Variants in PRIM2 observed in about 807,000 individuals in gnomAD.
PRIM2 encodes the protein DNA primase large subunit.
A neutral mutation model predicts 67.3 loss-of-function variants in PRIM2; 39 were observed. The ratio of observed to expected loss-of-function variants is 0.58; its 90% confidence interval spans 0.45 to 0.76. PRIM2 has a LOEUF of 0.76. Among genes scored for constraint, PRIM2 ranks in the 30% least tolerant of loss-of-function variants. PRIM2 has a pLI of 0.00. For synonymous variants in PRIM2, 143 were observed against 198.7 expected, an observed-to-expected ratio of 0.72 and a Z score of 2.36; for missense variants, 398 against 598.7, an observed-to-expected ratio of 0.66 and a Z score of 3.50.
intron 13 of PRIM2, among the ~76,000 whole-genome samples, chr6:57,636,002 C>A (rs1248531851): frequency 6.6e-6 from 1 of 152,188 alleles, no homozygotes; most frequent in Non-Finnish European, 1.5e-5. Context: ...ACCCACCTTC[C>A]TCTAGACTCC....
intron 5 of PRIM2, among the ~76,000 whole-genome samples, chr6:57,365,375 G>C (rs111511818): frequency 6.6e-6 from 1 of 150,858 alleles, no homozygotes; most frequent in East Asian, 1.9e-4. Context: ...ATTACTGCTT[G>C]TTGGTCTAGC....
chr6:57,416,033 T>C (rs1167387208), intron 7 of PRIM2, among the ~76,000 whole-genome samples: 59 of 152,336 alleles, frequency 3.9e-4, no homozygotes, highest in African/African-American at 1.4e-3. Context: ...ATCACAAATG[T>C]TCTTAATGGC....
intron 8 of PRIM2, among the ~76,000 whole-genome samples, chr6:57,519,012 G>C (rs1350185973): frequency 1.3e-5 from 2 of 152,160 alleles, no homozygotes; most frequent in Non-Finnish European, 2.9e-5. Flanking sequence ...GTCCGGGGGA[G>C]ACATCACATG....
chr6:57,444,356 C>G (rs1457110052), intron 7 of PRIM2, among the ~76,000 whole-genome samples: 3 of 152,056 alleles, frequency 2.0e-5, no homozygotes, highest in Non-Finnish European at 4.4e-5. Flanking sequence ...ATCACTAGGT[C>G]AAGAGTTCGA....
At chr6:57,315,929 G>T (rs1249716724), upstream of PRIM2, among the ~76,000 whole-genome samples, 1 of 152,038 alleles carries the variant, frequency 6.6e-6, no homozygotes, top group Non-Finnish European at 1.5e-5. Context: ...TATGCTTTCA[G>T]GTGTCTTCTT....
intron 4 of PRIM2, among the ~76,000 whole-genome samples, chr6:57,324,685 C>T (rs1186244212): frequency 6.6e-6 from 1 of 152,106 alleles, no homozygotes; most frequent in Non-Finnish European, 1.5e-5. Flanking sequence ...CCAGTTAAAT[C>T]GAAGATATTT....
intron 8 of PRIM2, among the ~76,000 whole-genome samples, chr6:57,524,404 A>G (rs1774697475): frequency 6.6e-6 from 1 of 152,214 alleles, no homozygotes; most frequent in Non-Finnish European, 1.5e-5. Flanking sequence ...AGATGCAACC[A>G]TTAAAAGATG....
chr6:57,354,797 A>G (rs1383180431), intron 5 of PRIM2, among the ~76,000 whole-genome samples: 6 of 152,226 alleles, frequency 3.9e-5, no homozygotes, highest in African/African-American at 1.2e-4. Flanking sequence ...GGTGTATTCA[A>G]TGTCATTATG....
intron 7 of PRIM2, among the ~76,000 whole-genome samples, chr6:57,449,251 GA>G (rs1275298735): frequency 1.3e-5 from 2 of 152,098 alleles, no homozygotes; most frequent in Non-Finnish European, 2.9e-5. Flanking sequence ...CCTAGGTGCA[GA>G]ATTTGAATCA....
the PRIM2 span, among the ~76,000 whole-genome samples, chr6:57,274,943 A>ATTTTTTTT: frequency 0.018 from 2,427 of 137,292 alleles, 76 homozygotes; most frequent in African/African-American, 0.055. Context: ...CACCTGGCTA[A>ATTTTTTTT]TTTTTTTTTT....
chr6:57,642,557 C>T (rs1777262042), intron 13 of PRIM2, among the ~76,000 whole-genome samples: 2 of 148,562 alleles, frequency 1.3e-5, no homozygotes, highest in Non-Finnish European at 1.5e-5. Context: ...ATTCTCCTGC[C>T]TCAGCCTCCC....
At chr6:57,330,348 G>GGTTTTT (rs1768009702) in intron 5 of PRIM2, among the ~76,000 whole-genome samples, 1 of 87,838 alleles carries the variant, frequency 1.1e-5, no homozygotes, top group Non-Finnish European at 2.1e-5. Context: ...TGCTGAACTT[G>GGTTTTT]TTTTTTTTTT....
chr6:57,244,601 A>C, the PRIM2 span, among the ~76,000 whole-genome samples: 2 of 152,116 alleles, frequency 1.3e-5, no homozygotes, highest in Non-Finnish European at 2.9e-5. Context: ...GTGTCCACTA[A>C]AAATACAAAA....
intron 8 of PRIM2, among the ~76,000 whole-genome samples, chr6:57,525,664 T>C (rs1251552551): frequency 2.8e-4 from 42 of 152,328 alleles, no homozygotes; most frequent in African/African-American, 1.0e-3. Context: ...AGCATAACTC[T>C]CTCTATTCAG....
rs1170895979 is a variant in PRIM2 at position 57,529,518 on chromosome 6, A to G, written c.762-2893A>G. ...CATTAAAGTTAAATGGCAGCTATCAATTTAACTTTGCATGAGTTTTATATG... is the reference window on the plus strand; with the variant it reads ...CATTAAAGTTAAATGGCAGCTATCAGTTTAACTTTGCATGAGTTTTATATG... On this transcript the variant is annotated intron_variant, in intron 8 of 13. Coordinates refer to ENST00000615550, the MANE Select transcript of PRIM2 (RefSeq NM_000947.5). 7.4e-4 allele frequency among the ~76,000 whole-genome samples: 112 copies of G among 152,296 alleles called. 1 individual carries two copies. The highest frequency in any genetic ancestry group is 2.5e-3 in the African/African-American group (106 of 41,576).
upstream of PRIM2, among the ~76,000 whole-genome samples, chr6:57,313,955 G>A (rs541944589): frequency 2.6e-5 from 4 of 152,204 alleles, no homozygotes; most frequent in African/African-American, 7.2e-5. Context: ...TGAATGCCAC[G>A]TGGGGCAGTC....
chr6:57,372,299 G>A (rs1019749755), intron 5 of PRIM2, among the ~76,000 whole-genome samples: 1 of 152,132 alleles, frequency 6.6e-6, no homozygotes, highest in African/African-American at 2.4e-5. Flanking sequence ...GAGACCACAT[G>A]GCCTAGTGGA....
At chr6:57,545,713 C>T (rs1273932517) in intron 10 of PRIM2, among the ~76,000 whole-genome samples, 1 of 152,184 alleles carries the variant, frequency 6.6e-6, no homozygotes, top group East Asian at 1.9e-4. Flanking sequence ...GGATTACATG[C>T]ATGAGCCACC....
chr6:57,348,808 C>T (rs1377345468), intron 5 of PRIM2, among the ~76,000 whole-genome samples: 6 of 142,968 alleles, frequency 4.2e-5, no homozygotes, highest in Admixed American at 3.0e-4. Context: ...AGTGCAGTGG[C>T]GCGATCTCGG....
Sources: gnomAD v4.1 joint callset for allele counts (sites outside exome capture counted in the v4.1 genomes callset) on GRCh38, gnomAD v4.1.1 for gene constraint, MANE v1.5 for transcripts, NCBI Gene and HGNC (gene_info 2026-07-23, HGNC 2026-07-21) for gene names.